The following TBC1D1 variants were observed in gnomAD, a reference collection of about 807,000 sequenced individuals.
TBC1D1 encodes the protein TBC1 domain family member 1, also known as TBC1 (tre-2/USP6, BUB2, cdc16) domain family, member 1.
A neutral mutation model predicts 125.6 loss-of-function variants in TBC1D1; 89 were observed. That is an observed-to-expected ratio of 0.71 (90% CI 0.60 to 0.85). The LOEUF is 0.85. Among genes scored for constraint, TBC1D1 ranks in the 40% least tolerant of loss-of-function variants. The pLI is 0.00. For synonymous variants in TBC1D1, 565 were observed against 564.1 expected (o/e 1.00, Z -0.02); for missense variants, 1,377 against 1,469.2 (o/e 0.94, Z 1.03).
chr4:37,934,647 G>A (rs1337969627), intron 2 of TBC1D1, among the ~76,000 whole-genome samples: 1 of 152,172 alleles, frequency 6.6e-6, no homozygotes, highest in Non-Finnish European at 1.5e-5. Flanking sequence ...GAATTGGCCA[G>A]CAGAGAGAGT....
chr4:37,946,398 G>A (rs946175167), intron 2 of TBC1D1, among the ~76,000 whole-genome samples: 3 of 152,166 alleles, frequency 2.0e-5, no homozygotes, highest in Non-Finnish European at 4.4e-5. Context: ...ACCTGATTTG[G>A]TCGTTATACA....
chr4:37,914,098 A>G (rs1227760766), intron 2 of TBC1D1, among the ~76,000 whole-genome samples: 1 of 152,048 alleles, frequency 6.6e-6, no homozygotes, highest in East Asian at 1.9e-4. Flanking sequence ...GTCCCCTGAG[A>G]ACTTGGTCTC....
At chr4:37,941,464 CA>C (rs1460584304) in intron 2 of TBC1D1, among the ~76,000 whole-genome samples, 1 of 152,108 alleles carries the variant, frequency 6.6e-6, no homozygotes, top group Non-Finnish European at 1.5e-5. Flanking sequence ...TCGATCTTTT[CA>C]AAAAACCAGC....
intron 6 of TBC1D1, among the ~76,000 whole-genome samples, chr4:38,023,042 C>A (rs1285006143): frequency 6.6e-6 from 1 of 151,810 alleles, no homozygotes; most frequent in East Asian, 1.9e-4. Context: ...CATGGTGAAA[C>A]CCTGTCTCTA....
chr4:38,125,948 C>G (rs990726837), intron 18 of TBC1D1, among the ~76,000 whole-genome samples: 1 of 152,216 alleles, frequency 6.6e-6, no homozygotes, highest in Non-Finnish European at 1.5e-5. Context: ...GCAGTCAAGC[C>G]TCTCATAAGC....
intron 6 of TBC1D1, 86 bp downstream of exon 6, chr4:38,021,804 T>G (rs1744097113): frequency 7.4e-7 from 1 of 1,348,928 alleles, no homozygotes; most frequent in African/African-American, 1.5e-5. Context: ...TGTTGGAAGA[T>G]TCTGCCTAAC....
At chr4:38,006,356 C>A (rs1435254070) in intron 2 of TBC1D1, among the ~76,000 whole-genome samples, 1 of 152,036 alleles carries the variant, frequency 6.6e-6, no homozygotes, top group Admixed American at 6.5e-5. Flanking sequence ...GAGATGATAA[C>A]CTCCAAATAA....
intron 15 of TBC1D1, among the ~76,000 whole-genome samples, chr4:38,103,997 A>C (rs556727237): frequency 2.6e-4 from 39 of 151,904 alleles, no homozygotes; most frequent in African/African-American, 9.4e-4. Flanking sequence ...GTCTCTACTA[A>C]AAATACAAAA....
chr4:37,910,975 A>T (rs933938572), intron 2 of TBC1D1, among the ~76,000 whole-genome samples: 4 of 151,670 alleles, frequency 2.6e-5, no homozygotes, highest in African/African-American at 4.8e-5. Context: ...TATAATTTTT[A>T]AAAATAAAAT....
intron 8 of TBC1D1, among the ~76,000 whole-genome samples, chr4:38,038,467 A>T (rs1283811024): frequency 6.6e-6 from 1 of 152,172 alleles, no homozygotes; most frequent in Non-Finnish European, 1.5e-5. Context: ...AAATTAGGTG[A>T]TATCAGTACC....
At chr4:38,098,866 A>C (rs143853232) in intron 14 of TBC1D1, among the ~76,000 whole-genome samples, 3 of 152,360 alleles carry the variant, frequency 2.0e-5, no homozygotes, top group African/African-American at 7.2e-5. Context: ...GAAGTGATGG[A>C]AATAAAGGAA....
chr4:37,963,841 T>C, intron 2 of TBC1D1, among the ~76,000 whole-genome samples: 1 of 152,254 alleles, frequency 6.6e-6, no homozygotes, highest in East Asian at 1.9e-4. Context: ...TACTCCCTTG[T>C]AGATTAGGAA....
chr4:38,046,562 C>T (rs7664642), intron 10 of TBC1D1, among the ~76,000 whole-genome samples: 3,426 of 152,038 alleles, frequency 0.023, 62 homozygotes, highest in South Asian at 0.074. Context: ...GGGGATTGGG[C>T]TTCTAGTGTA....
At chr4:38,071,461 A>G (rs1754689986) in intron 12 of TBC1D1, among the ~76,000 whole-genome samples, 1 of 152,368 alleles carries the variant, frequency 6.6e-6, no homozygotes, top group South Asian at 2.1e-4. Flanking sequence ...AAAAGACATC[A>G]AAGTTATCTT....
intron 2 of TBC1D1, among the ~76,000 whole-genome samples, chr4:37,925,360 T>C (rs556043827): frequency 6.6e-6 from 1 of 152,238 alleles, no homozygotes; most frequent in Non-Finnish European, 1.5e-5. Flanking sequence ...GAACCAACGC[T>C]GTCTATAGGT....
intron 2 of TBC1D1, among the ~76,000 whole-genome samples, chr4:37,985,378 A>G (rs992264334): frequency 6.6e-6 from 1 of 152,222 alleles, no homozygotes; most frequent in East Asian, 1.9e-4. Flanking sequence ...TGTTAAATTT[A>G]TATGAAAAAG....
chr4:38,050,266 G>A (rs1374377955), intron 11 of TBC1D1, among the ~76,000 whole-genome samples: 1 of 152,194 alleles, frequency 6.6e-6, no homozygotes, highest in African/African-American at 2.4e-5. Context: ...AGGGAGAGGC[G>A]CTGATCCTTA....
At chr4:38,091,156 A>G (rs1199943168) in intron 13 of TBC1D1, among the ~76,000 whole-genome samples, 24 of 152,248 alleles carry the variant, frequency 1.6e-4, no homozygotes, top group Non-Finnish European at 1.5e-4. Context: ...ACGAATTCAT[A>G]GAATGTAAAG....
chr4:38,049,991 A>T, intron 11 of TBC1D1, 93 bp downstream of exon 11: 4 of 1,377,452 alleles, frequency 2.9e-6, no homozygotes, highest in Non-Finnish European at 4.0e-6. Flanking sequence ...TGAGTGAGAG[A>T]AATGAGTCAG....
Sources: allele counts gnomAD v4.1 joint callset (sites outside exome capture counted in the v4.1 genomes callset), GRCh38; gene constraint gnomAD v4.1.1; transcripts MANE v1.5; gene names NCBI Gene and HGNC (gene_info 2026-07-23, HGNC 2026-07-21).